The following EGLN1 variants were observed in gnomAD, a reference collection of about 807,000 sequenced individuals.
EGLN1 encodes the protein egl nine homolog 1.
Under a neutral mutation model 38.3 loss-of-function variants are expected in EGLN1, and 17 were observed. The observed-to-expected ratio is 0.44, with a 90% CI of 0.30 to 0.67. The LOEUF is 0.67. Ranked by LOEUF, EGLN1 falls within the 30% of genes least tolerant of loss-of-function variation. EGLN1 has a pLI of 0.08. For missense variants in EGLN1, 477 were observed against 603.3 expected, an observed-to-expected ratio of 0.79 and a Z score of 2.19; for synonymous variants, 283 against 257.5, an observed-to-expected ratio of 1.10 and a Z score of -0.95.
intron 1 of EGLN1, among the ~76,000 whole-genome samples, chr1:231,400,386 A>C (rs1688636427): frequency 1.3e-5 from 2 of 152,116 alleles, no homozygotes; most frequent in Non-Finnish European, 2.9e-5. Context: ...GAAGATCTGT[A>C]GTGGGGCCCT....
chr1:231,392,691 T>G (rs796668588), intron 1 of EGLN1, among the ~76,000 whole-genome samples: 30 of 152,312 alleles, frequency 2.0e-4, no homozygotes, highest in African/African-American at 7.2e-4. Context: ...TGTAAAAGAC[T>G]AGCATAGCAC....
chr1:231,414,611 T>C (rs1185265516), intron 1 of EGLN1, among the ~76,000 whole-genome samples: 3 of 152,014 alleles, frequency 2.0e-5, no homozygotes, highest in African/African-American at 7.3e-5. Context: ...TAAACTAGAA[T>C]GTCAGATAAG....
chr1:231,376,294 T>A (rs1687956459), intron 1 of EGLN1, among the ~76,000 whole-genome samples: 1 of 152,224 alleles, frequency 6.6e-6, no homozygotes, highest in Non-Finnish European at 1.5e-5. Flanking sequence ...TTGCCTGGGA[T>A]GAATCATCCC....
intron 1 of EGLN1, among the ~76,000 whole-genome samples, chr1:231,388,344 G>C (rs1380770495): frequency 1.3e-5 from 2 of 152,206 alleles, no homozygotes; most frequent in Non-Finnish European, 2.9e-5. Context: ...ATATGTGGTT[G>C]ATAAGACGGT....
At chr1:231,405,980 C>T (rs1278890016) in intron 1 of EGLN1, among the ~76,000 whole-genome samples, 4 of 98,258 alleles carry the variant, frequency 4.1e-5, no homozygotes, top group Non-Finnish European at 7.7e-5. Flanking sequence ...ACCCCCCACC[C>T]CCCACCCCCA....
At chr1:231,400,427 T>A (rs60076470) in intron 1 of EGLN1, among the ~76,000 whole-genome samples, 1,789 of 152,246 alleles carry the variant, frequency 0.012, 31 homozygotes, top group African/African-American at 0.04. Flanking sequence ...CCAAAACTTA[T>A]ATACTTACAG....
At chr1:231,387,966 T>C (rs1051301313) in intron 1 of EGLN1, among the ~76,000 whole-genome samples, 7 of 152,232 alleles carry the variant, frequency 4.6e-5, no homozygotes, top group African/African-American at 1.7e-4. Context: ...CAATGTTTGC[T>C]GAACCTGTTA....
chr1:231,373,642 A>C (rs1159782654), intron 2 of EGLN1, among the ~76,000 whole-genome samples: 1 of 151,950 alleles, frequency 6.6e-6, no homozygotes, highest in East Asian at 1.9e-4. Flanking sequence ...ATCACCTCTC[A>C]AAGTTCCGTT....
chr1:231,395,765 A>G (rs1020822231), intron 1 of EGLN1, among the ~76,000 whole-genome samples: 1 of 152,208 alleles, frequency 6.6e-6, no homozygotes, highest in African/African-American at 2.4e-5. Context: ...TCAGAACGGC[A>G]GCATCCCCAT....
intron 1 of EGLN1, among the ~76,000 whole-genome samples, chr1:231,380,343 A>T (rs1340492776): frequency 6.6e-6 from 1 of 151,076 alleles, no homozygotes; most frequent in Non-Finnish European, 1.5e-5. Context: ...AAAGAATAAG[A>T]ACTCCTTAAG....
intron 1 of EGLN1, among the ~76,000 whole-genome samples, chr1:231,375,488 C>T (rs375184692): frequency 6.6e-6 from 1 of 152,204 alleles, no homozygotes; most frequent in South Asian, 2.1e-4. Flanking sequence ...TTTTAAAACT[C>T]ACTTCCCATC....
chr1:231,418,387 A>G (rs1656415260), intron 1 of EGLN1, among the ~76,000 whole-genome samples: 1 of 152,220 alleles, frequency 6.6e-6, no homozygotes, highest in Admixed American at 6.5e-5. Context: ...GTGCTAAATA[A>G]TCTACATCTC....
rs190541333 is a variant in EGLN1, at chr1:231,381,787, G to A, written c.892-7688C>T. ...AGAGATCTACAATTTGTTAACCTCA[G>A]CTATAATCTTACCAGCACTGCACAA... On this transcript the variant is annotated intron_variant, in intron 1 of 4. Coordinates refer to ENST00000366641, the MANE Select transcript of EGLN1 (RefSeq NM_022051.3). Among the ~76,000 whole-genome samples, 221 of 152,278 alleles carry A rather than the reference G, an allele frequency of 1.5e-3. 3 individuals carry two copies. Among genetic ancestry groups the A allele is most frequent in the East Asian group, 7.7e-4 (4 of 5,184 alleles).
intron 1 of EGLN1, among the ~76,000 whole-genome samples, chr1:231,392,736 A>G (rs1279894811): frequency 6.6e-6 from 1 of 152,176 alleles, no homozygotes; most frequent in Non-Finnish European, 1.5e-5. Context: ...AATGTCACTT[A>G]TTTTCATCAT....
At chr1:231,404,798 TCTG>T (rs1688747574) in intron 1 of EGLN1, among the ~76,000 whole-genome samples, 1 of 152,152 alleles carries the variant, frequency 6.6e-6, no homozygotes, top group Non-Finnish European at 1.5e-5. Context: ...TTGACTTCAA[TCTG>T]CTAACGGAGA....
intron 1 of EGLN1, among the ~76,000 whole-genome samples, chr1:231,390,396 C>T (rs544821264): frequency 2.0e-5 from 3 of 152,348 alleles, no homozygotes; most frequent in South Asian, 2.1e-4. Context: ...CTATGTGCCA[C>T]GTACTATGCT....
At chr1:231,398,430 C>G (rs2102923019) in intron 1 of EGLN1, among the ~76,000 whole-genome samples, 1 of 152,162 alleles carries the variant, frequency 6.6e-6, no homozygotes, top group East Asian at 1.9e-4. Flanking sequence ...TCCCAAGTAG[C>G]TGGGACTATA....
chr1:231,375,077 T>G (rs1687926835), intron 1 of EGLN1, among the ~76,000 whole-genome samples: 1 of 152,224 alleles, frequency 6.6e-6, no homozygotes, highest in East Asian at 1.9e-4. Flanking sequence ...TGTTTGTTTT[T>G]TTACAGAGTC....
intron 1 of EGLN1, among the ~76,000 whole-genome samples, chr1:231,389,044 C>T (rs959159223): frequency 4.6e-5 from 7 of 152,120 alleles, no homozygotes; most frequent in African/African-American, 1.7e-4. Context: ...AAATATACAG[C>T]TCATACAAAG....
Sources: gnomAD v4.1 joint callset for allele counts (sites outside exome capture counted in the v4.1 genomes callset) on GRCh38, gnomAD v4.1.1 for gene constraint, MANE v1.5 for transcripts, NCBI Gene and HGNC (gene_info 2026-07-23, HGNC 2026-07-21) for gene names.